Variants in DPYD observed in about 807,000 individuals in gnomAD.
DPYD encodes the protein dihydropyrimidine dehydrogenase, also known as dihydropyrimidine dehydrogenase [NADP(+)].
A neutral mutation model predicts 116.2 loss-of-function variants in DPYD; 109 were observed. That is an observed-to-expected ratio of 0.94 (90% CI 0.80 to 1.10). The LOEUF (loss-of-function observed/expected upper bound fraction) is 1.10, where lower values mean the gene tolerates loss of function less well. DPYD is among the 50% of genes least tolerant of loss of function. The pLI is 0.00. For missense variants in DPYD, 1,302 were observed against 1,254.5 expected (o/e 1.04, Z -0.57); for synonymous variants, 440 against 432.0 (o/e 1.02, Z -0.23).
At chr1:97,354,899 C>T (rs1440536904) in intron 16 of DPYD, among the ~76,000 whole-genome samples, 3 of 152,176 alleles carry the variant, frequency 2.0e-5, no homozygotes, top group Non-Finnish European at 4.4e-5. Flanking sequence ...CAATGGGGAA[C>T]AAGTCACTCT....
intron 18 of DPYD, among the ~76,000 whole-genome samples, chr1:97,293,344 C>A (rs1666329177): frequency 6.6e-6 from 1 of 152,124 alleles, no homozygotes; most frequent in South Asian, 2.1e-4. Context: ...GCAGCTGAAG[C>A]ACAGTGCTTA....
chr1:97,122,063 G>C, intron 20 of DPYD, among the ~76,000 whole-genome samples: 1 of 152,148 alleles, frequency 6.6e-6, no homozygotes. Flanking sequence ...TTCAGTACCA[G>C]AGATGAGATA....
intron 2 of DPYD, among the ~76,000 whole-genome samples, chr1:97,828,457 A>G (rs1669359712): frequency 1.3e-5 from 2 of 152,232 alleles, no homozygotes; most frequent in Non-Finnish European, 2.9e-5. Context: ...TTCAAAGTGG[A>G]TAAACAGAAG....
intron 7 of DPYD, among the ~76,000 whole-genome samples, chr1:97,690,947 G>A (rs976873308): frequency 3.3e-5 from 5 of 152,042 alleles, no homozygotes; most frequent in African/African-American, 1.2e-4. Flanking sequence ...CAAAAGGTAT[G>A]AGTAGTTTGT....
chr1:97,592,930 C>T (rs919154189), intron 10 of DPYD, among the ~76,000 whole-genome samples: 10 of 152,124 alleles, frequency 6.6e-5, no homozygotes, highest in Non-Finnish European at 1.2e-4. Context: ...GAAGACTTAG[C>T]ACTTTACATT....
At chr1:97,716,219 A>G (rs1223434609) in intron 5 of DPYD, among the ~76,000 whole-genome samples, 2 of 152,114 alleles carry the variant, frequency 1.3e-5, no homozygotes, top group African/African-American at 4.8e-5. Flanking sequence ...GATAAAATAT[A>G]GAAATAAATG....
chr1:97,495,115 G>T (rs1398644094), intron 13 of DPYD, among the ~76,000 whole-genome samples: 1 of 152,102 alleles, frequency 6.6e-6, no homozygotes, highest in African/African-American at 2.4e-5. Context: ...AACATGTTAA[G>T]GCTTCTGTTA....
intron 18 of DPYD, among the ~76,000 whole-genome samples, chr1:97,290,100 G>T (rs1310748265): frequency 1.3e-5 from 2 of 152,114 alleles, no homozygotes; most frequent in Non-Finnish European, 2.9e-5. Context: ...TTGCTTCAAA[G>T]AGAATAAAAT....
At chr1:97,619,181 A>G (rs1656483684) in intron 8 of DPYD, among the ~76,000 whole-genome samples, 1 of 152,206 alleles carries the variant, frequency 6.6e-6, no homozygotes, top group Non-Finnish European at 1.5e-5. Context: ...AGTGTAGTCA[A>G]TTGTTTAGTT....
chr1:97,146,605 GA>G (rs1199608971), intron 20 of DPYD, among the ~76,000 whole-genome samples: 1 of 152,132 alleles, frequency 6.6e-6, no homozygotes, highest in Non-Finnish European at 1.5e-5. Flanking sequence ...TTAAATCTAA[GA>G]ATACGGAGAA....
At chr1:97,214,740 T>C (rs1660260911) in intron 19 of DPYD, among the ~76,000 whole-genome samples, 1 of 152,232 alleles carries the variant, frequency 6.6e-6, no homozygotes, top group South Asian at 2.1e-4. Flanking sequence ...TTCTAGCTAG[T>C]CTATCTGGAG....
chr1:97,125,825 T>C (rs2101655244), intron 20 of DPYD, among the ~76,000 whole-genome samples: 1 of 152,258 alleles, frequency 6.6e-6, no homozygotes, highest in Non-Finnish European at 1.5e-5. Context: ...TGCTAGCACC[T>C]ATATTTTGGA....
chr1:97,613,704 T>A (rs1414771955), intron 8 of DPYD, among the ~76,000 whole-genome samples: 1 of 152,050 alleles, frequency 6.6e-6, no homozygotes, highest in African/African-American at 2.4e-5. Flanking sequence ...AATGTACAGA[T>A]TTTTAGGCAC....
intron 20 of DPYD, among the ~76,000 whole-genome samples, chr1:97,151,821 T>C (rs1031122236): frequency 3.3e-5 from 5 of 152,218 alleles, no homozygotes; most frequent in South Asian, 2.1e-4. Flanking sequence ...TTACTGTTAA[T>C]ATGTTCCAAA....
chr1:97,436,077 C>T (rs1290106399), intron 14 of DPYD, among the ~76,000 whole-genome samples: 1 of 151,924 alleles, frequency 6.6e-6, no homozygotes, highest in East Asian at 1.9e-4. Context: ...ATTTTAAAGG[C>T]TTGAGGGGAT....
chr1:97,377,248 T>TA (rs1671687778), intron 15 of DPYD, among the ~76,000 whole-genome samples: 1 of 151,964 alleles, frequency 6.6e-6, no homozygotes, highest in Non-Finnish European at 1.5e-5. Context: ...TTTACAGTTT[T>TA]AAGTAAACAG....
At chr1:97,726,275 G>C (rs1663254757) in intron 4 of DPYD, among the ~76,000 whole-genome samples, 1 of 151,518 alleles carries the variant, frequency 6.6e-6, no homozygotes, top group Non-Finnish European at 1.5e-5. Context: ...ATAGTACTTA[G>C]TTGTTCCCTT....
intron 20 of DPYD, among the ~76,000 whole-genome samples, chr1:97,167,229 AC>A (rs1445282922): frequency 6.6e-6 from 1 of 152,178 alleles, no homozygotes; most frequent in African/African-American, 2.4e-5. Context: ...TAGGAAGAGC[AC>A]AATATATACT....
chr1:97,119,503 C>T (rs150887989), intron 20 of DPYD, among the ~76,000 whole-genome samples: 5 of 152,232 alleles, frequency 3.3e-5, no homozygotes, highest in African/African-American at 1.2e-4. Context: ...CAGGCTACCA[C>T]GTGGGTGAAC....
Sources: gnomAD v4.1 joint callset for allele counts (sites outside exome capture counted in the v4.1 genomes callset) on GRCh38, gnomAD v4.1.1 for gene constraint, MANE v1.5 for transcripts, NCBI Gene and HGNC (gene_info 2026-07-23, HGNC 2026-07-21) for gene names.